POF1B: variants seen among roughly 807,000 people sequenced by gnomAD.
POF1B encodes POF1B actin binding protein.
In POF1B, 53 loss-of-function variants were observed where a neutral mutation model predicts 55.3. The ratio of observed to expected loss-of-function variants is 0.96; its 90% CI spans 0.77 to 1.20. The LOEUF (loss-of-function observed/expected upper bound fraction) is 1.20, where lower values mean the gene tolerates loss of function less well. POF1B is among the 50% of genes most tolerant of loss of function. The pLI, the probability that POF1B is intolerant of heterozygous loss-of-function variation, is 0.00. For synonymous variants in POF1B, 188 were observed against 148.3 expected (o/e 1.27, Z -1.95); for missense variants, 478 against 420.5 (o/e 1.14, Z -1.20).
chrX:85,304,660 CT>C (rs976493334), intron 13 of POF1B, among the ~76,000 whole-genome samples, 189 bp from the exon 14 acceptor site: 1 of 110,604 alleles, frequency 9.0e-6, no homozygotes, highest in Non-Finnish European at 1.9e-5. Context: ...CAAATTTCTC[CT>C]TTTTTTAAGG....
intron 6 of POF1B, among the ~76,000 whole-genome samples, chrX:85,341,378 T>C (rs1933168017): frequency 9.0e-6 from 1 of 111,144 alleles, no homozygotes. Flanking sequence ...TTTGGCCTTT[T>C]AAACTATATA....
At chrX:85,369,240 A>C (rs1933779891) in intron 2 of POF1B, among the ~76,000 whole-genome samples, 1 of 111,728 alleles carries the variant, frequency 9.0e-6, no homozygotes, top group African/African-American at 3.2e-5. Flanking sequence ...CAGATTATAG[A>C]CAAAACAGGT....
chrX:85,337,031 A>C (rs1168749014), intron 6 of POF1B, among the ~76,000 whole-genome samples: 1 of 111,820 alleles, frequency 8.9e-6, no homozygotes, highest in Non-Finnish European at 1.9e-5. Context: ...CAGTTTTCCC[A>C]GCACAGTTTG....
At chrX:85,298,611 G>A (rs758393850) in intron 15 of POF1B, among the ~76,000 whole-genome samples, 1 of 112,067 alleles carries the variant, frequency 8.9e-6, no homozygotes, top group East Asian at 2.8e-4. Flanking sequence ...ACAGATAGTG[G>A]AGAATTTGCT....
intron 6 of POF1B, among the ~76,000 whole-genome samples, chrX:85,337,847 T>C (rs971509043): frequency 8.9e-6 from 1 of 111,991 alleles, no homozygotes; most frequent in East Asian, 2.8e-4. Flanking sequence ...AACTGTATTA[T>C]GTAGGCAATT....
rs1430156890 is a variant in POF1B, at chrX:85,351,420, T to C, written c.470A>G (p.His157Arg). ...EPLSQFLRGS[H>R]FFPGNNVIYE... ...AATAACATTGTTTCCTGGGAAGAAATGGCTTCCTCTTAGGAATTGAGACAG... is the reference window on the plus strand; with the variant it reads ...AATAACATTGTTTCCTGGGAAGAAACGGCTTCCTCTTAGGAATTGAGACAG... Residue 157 changes from histidine to arginine, a missense_variant, in exon 5 of 17, where the codon CAT becomes CGT. Transcript: ENST00000262753. 4.2e-6 allele frequency: 5 copies of C among 1,196,082 alleles called. No individual in the cohort carries two copies. In the East Asian group the frequency reaches 1.2e-4, roughly 29 times the overall value.
In POF1B at chrX:85,340,182, G is replaced by C. The variant is rs770146775; in HGVS notation, c.723+5678C>G. Among the ~76,000 whole-genome samples the C allele has an allele frequency of 1.4e-4, 16 of 111,032 alleles. No homozygotes were observed. The South Asian group carries it at 6.1e-3, about 43-fold the overall frequency. ...TAAAAAGGCTGTTTAACAATGGTGG[G>C]AGTCCAGAAAGACCGAGACAATCTG... On this transcript the variant is annotated intron_variant, in intron 6 of 16. Transcript: ENST00000262753.
chrX:85,324,286 T>G (rs770356040), intron 7 of POF1B, among the ~76,000 whole-genome samples: 1 of 111,242 alleles, frequency 9.0e-6, no homozygotes, highest in Non-Finnish European at 1.9e-5. Flanking sequence ...TTTTCTGTCT[T>G]GCTGATATGT....
chrX:85,310,981 T>C (rs1932684034), intron 9 of POF1B, among the ~76,000 whole-genome samples: 1 of 111,830 alleles, frequency 8.9e-6, no homozygotes, highest in Non-Finnish European at 1.9e-5. Flanking sequence ...AAATTCTATA[T>C]GCAGTGAAAT....
intron 15 of POF1B, among the ~76,000 whole-genome samples, chrX:85,282,983 A>G (rs1323853601): frequency 3.6e-5 from 4 of 111,517 alleles, no homozygotes; most frequent in Admixed American, 1.9e-4. Flanking sequence ...CTCCTGATAT[A>G]GAGGCCATCA....
At chrX:85,297,144 C>A (rs1470601396) in intron 15 of POF1B, among the ~76,000 whole-genome samples, 1 of 111,757 alleles carries the variant, frequency 8.9e-6, no homozygotes, top group East Asian at 2.8e-4. Context: ...TTACTGGATA[C>A]CTTGGATTGG....
At chrX:85,298,029 A>T (rs1172367765) in intron 15 of POF1B, among the ~76,000 whole-genome samples, 2 of 111,662 alleles carry the variant, frequency 1.8e-5, no homozygotes, top group Non-Finnish European at 3.8e-5. Context: ...TTTGTCCTCT[A>T]CCTCCTTGGG....
At chrX:85,320,991 A>G (rs1281167355) in intron 7 of POF1B, among the ~76,000 whole-genome samples, 2 of 110,967 alleles carry the variant, frequency 1.8e-5, no homozygotes, top group East Asian at 5.7e-4. Context: ...AGATGGATTC[A>G]CAGCCGAATT....
At chrX:85,344,144 T>C (rs1933226485) in intron 6 of POF1B, among the ~76,000 whole-genome samples, 1 of 111,074 alleles carries the variant, frequency 9.0e-6, no homozygotes, top group South Asian at 3.7e-4. Flanking sequence ...CTTGAGAATC[T>C]CATGACCTGG....
intron 6 of POF1B, among the ~76,000 whole-genome samples, chrX:85,344,794 A>T (rs1372562071): frequency 9.0e-6 from 1 of 111,303 alleles, no homozygotes; most frequent in East Asian, 2.8e-4. Context: ...AATTTAAAAA[A>T]ATGTAGAGAT....
chrX:85,343,520 C>A (rs1204046330), intron 6 of POF1B, among the ~76,000 whole-genome samples: 1 of 111,373 alleles, frequency 9.0e-6, no homozygotes, highest in Non-Finnish European at 1.9e-5. Context: ...TTGTTTTACA[C>A]CTAGACTATT....
intron 2 of POF1B, among the ~76,000 whole-genome samples, chrX:85,376,341 A>T (rs1933919979): frequency 8.9e-6 from 1 of 111,809 alleles, no homozygotes; most frequent in Admixed American, 9.5e-5. Flanking sequence ...GTAGGTTAAC[A>T]GCTAAGCTTT....
chrX:85,351,512 A>T, intron 4 of POF1B, 61 bp from the exon 5 acceptor site: 1 of 852,468 alleles, frequency 1.2e-6, no homozygotes, highest in Non-Finnish European at 1.7e-6. Context: ...GTAACCTTAA[A>T]TTAGGCAAAT....
intron 7 of POF1B, among the ~76,000 whole-genome samples, chrX:85,319,353 C>G (rs1401314677): frequency 9.0e-6 from 1 of 110,930 alleles, no homozygotes; most frequent in Non-Finnish European, 1.9e-5. Context: ...GCTTGAATGC[C>G]CTTTATTTCT....
Sources: allele counts gnomAD v4.1 joint callset (sites outside exome capture counted in the v4.1 genomes callset), GRCh38; gene constraint gnomAD v4.1.1; transcripts MANE v1.5; gene names NCBI Gene and HGNC (gene_info 2026-07-23, HGNC 2026-07-21).